ENPP3: variants seen among roughly 807,000 people sequenced by gnomAD.
The protein encoded by ENPP3 is ectonucleotide pyrophosphatase/phosphodiesterase 3.
In ENPP3, 104 loss-of-function variants were observed where a neutral mutation model predicts 117.8. The observed-to-expected ratio is 0.88, with a 90% CI of 0.75 to 1.04. The LOEUF (loss-of-function observed/expected upper bound fraction) is 1.04. ENPP3 is among the 50% of genes least tolerant of loss of function. ENPP3 has a pLI of 0.00. For missense variants in ENPP3, 1,026 were observed against 1,051.9 expected (o/e 0.98, Z 0.34); for synonymous variants, 380 against 349.9 (o/e 1.09, Z -0.96).
intron 24 of ENPP3, among the ~76,000 whole-genome samples, chr6:131,745,825 T>C (rs550540547): frequency 6.6e-6 from 1 of 152,198 alleles, no homozygotes; most frequent in African/African-American, 2.4e-5. Flanking sequence ...AAAGTTAAAA[T>C]TGAATGTACT....
intron 6 of ENPP3, among the ~76,000 whole-genome samples, chr6:131,670,571 G>A (rs1030422323): frequency 6.6e-6 from 1 of 152,030 alleles, no homozygotes; most frequent in Non-Finnish European, 1.5e-5. Flanking sequence ...GCTCACTGCC[G>A]TCTCCATCTC....
chr6:131,747,127 T>C lies in ENPP3; in HGVS notation c.*171T>C. The C allele has an allele frequency of 2.3e-6, 1 of 443,470 alleles. No individual in the cohort carries two copies. The highest frequency in any genetic ancestry group is 3.9e-6 in the Non-Finnish European group (1 of 256,418). The allele number at this position is 443,470 out of a possible 1,614,324, so 27.5% of individuals were successfully genotyped here. A position where few individuals can be genotyped will look rare whatever the true frequency, so the allele number is the denominator to read the frequency against. The stretch of plus-strand genomic sequence containing the variant: ...CTCTTTTTTCAATTCTATGAATATG[T>C]ATTATTTTAAAGTTATATTTTTCAC... On this transcript the variant is annotated 3_prime_UTR_variant, in exon 25 of 25. Transcript: ENST00000357639.
chr6:131,679,070 T>TTTCTTTCTTTCC (rs1778961738), intron 11 of ENPP3, among the ~76,000 whole-genome samples: 1 of 134,978 alleles, frequency 7.4e-6, no homozygotes, highest in South Asian at 2.4e-4. Flanking sequence ...TCTTTCTTTC[T>TTTCTTTCTTTCC]TTCTTTCTTT....
At chr6:131,719,135 G>A (rs1223110279) in intron 16 of ENPP3, among the ~76,000 whole-genome samples, 5 of 152,052 alleles carry the variant, frequency 3.3e-5, no homozygotes, top group African/African-American at 1.2e-4. Context: ...GGTACCCTGG[G>A]GGGCAGTAAG....
In ENPP3 at chr6:131,679,039, T is replaced by C. The variant is rs1235116495; in HGVS notation, c.1011+1099T>C. 2.3e-3 allele frequency among the ~76,000 whole-genome samples: 260 copies of C among 115,086 alleles called. 5 individuals carry two copies. The highest frequency in any genetic ancestry group is 8.4e-3 in the African/African-American group (200 of 23,806). The allele number at this position is 115,086 out of a possible 152,430, so 75.5% of individuals were successfully genotyped here. A position where few individuals can be genotyped will look rare whatever the true frequency, so the allele number is the denominator to read the frequency against. ...CTTCCTTCCTTCCTTCTTTCTTTCT[T>C]TCTTTCTTTCTTTCTTTCTTTCTTT... On this transcript the variant is annotated intron_variant, in intron 11 of 24. Transcript: ENST00000357639.
chr6:131,677,959 A>G lies in ENPP3; in HGVS notation c.1011+19A>G. ...TGCCAGAGTAAGTTGTTGTTTTCTT[A>G]AAAGAAAAAAAAAAATGTAAAATCA... On this transcript the variant is annotated intron_variant, in intron 11 of 24. Coordinates refer to ENST00000357639, the MANE Select transcript of ENPP3 (RefSeq NM_005021.5). 6.7e-7 allele frequency: 1 copy of G among 1,494,628 alleles called. No individual in the cohort carries two copies. The highest frequency in any genetic ancestry group is 9.3e-7 in the Non-Finnish European group (1 of 1,080,302). The allele number at this position is 1,494,628 out of a possible 1,614,324, so 92.6% of individuals were successfully genotyped here.
chr6:131,676,994 G>C (rs1004525108), intron 10 of ENPP3, among the ~76,000 whole-genome samples, 193 bp downstream of exon 10: 1 of 152,016 alleles, frequency 6.6e-6, no homozygotes, highest in African/African-American at 2.4e-5. Context: ...TCAGCACTTT[G>C]GGAGGTTGAG....
intron 5 of ENPP3, among the ~76,000 whole-genome samples, chr6:131,656,865 C>T (rs1778396105): frequency 6.6e-6 from 1 of 151,814 alleles, no homozygotes; most frequent in South Asian, 2.1e-4. Flanking sequence ...CAAGAATGTT[C>T]ATGTCAGCAG....
chr6:131,747,111 C>A lies in ENPP3; in HGVS notation c.*155C>A. ...TTTATTATTCCTTTTTCTCTTTTTT[C>A]AATTCTATGAATATGTATTATTTTA... is the stretch of plus-strand genomic sequence containing the variant. On this transcript the variant is annotated 3_prime_UTR_variant, in exon 25 of 25. Transcript: ENST00000357639. 2.1e-6 allele frequency: 1 copy of A among 467,460 alleles called. No individual in the cohort carries two copies. The highest frequency in any genetic ancestry group is 3.7e-6 in the Non-Finnish European group (1 of 269,768). 29.0% of individuals were successfully genotyped at this position (467,460 alleles called of 1,614,324 possible). A position where few individuals can be genotyped will look rare whatever the true frequency, so the allele number is the denominator to read the frequency against.
At chr6:131,709,856 T>C (rs1489110809) in intron 15 of ENPP3, 4 of 1,597,124 alleles carry the variant, frequency 2.5e-6, no homozygotes, top group Non-Finnish European at 3.4e-6. Flanking sequence ...TAGAATTCAG[T>C]CATTATTTTA....
Position 131,677,888 on chromosome 6 carries a change from A to G in ENPP3, c.959A>G (p.Tyr320Cys). ...CCTAGACCCAGGTTTTATACCATGT[A>G]TTTTGAAGAACCTGATTCCTCTGGA... is the stretch of plus-strand genomic sequence containing the variant. Reference protein sequence around the residue: ...KAERPRFYTMYFEEPDSSGHA... With the variant: ...KAERPRFYTMCFEEPDSSGHA... The change falls in exon 11 of 25, where the codon TAT becomes TGT. Residue 320 changes from tyrosine to cysteine, a missense_variant. Physicochemically the swap from Tyr to Cys is radical, Grantham distance 194. Coordinates refer to ENST00000357639, the MANE Select transcript of ENPP3 (RefSeq NM_005021.5). 1.2e-6 allele frequency: 2 copies of G among 1,610,182 alleles called. No individual in the cohort carries two copies. The highest frequency in any genetic ancestry group is 1.7e-6 in the Non-Finnish European group (2 of 1,176,594).
chr6:131,733,712 T>G lies in ENPP3; in HGVS notation c.2078T>G (p.Leu693Arg). The change falls in exon 21 of 25, where the codon CTC (leucine) becomes CGC (arginine). Residue 693 changes from leucine to arginine, a missense_variant. Transcript: ENST00000357639. ...GACAAGAATATCACCCACGGCTTCCTCTATCCTCCTGGTTAGTAGAACTCT... is the reference window on the plus strand; with the variant it reads ...GACAAGAATATCACCCACGGCTTCCGCTATCCTCCTGGTTAGTAGAACTCT... Reference protein sequence around the residue: ...LADKNITHGFLYPPASNRTSD... With the variant: ...LADKNITHGFRYPPASNRTSD... 6.2e-7 allele frequency: 1 copy of G among 1,614,076 alleles called. No homozygotes were observed. Among genetic ancestry groups the G allele is most frequent in the Non-Finnish European group, 8.5e-7 (1 of 1,179,962 alleles).
intron 6 of ENPP3, among the ~76,000 whole-genome samples, chr6:131,668,206 GTTTTTTTTTT>G (rs557047103): frequency 2.9e-5 from 2 of 69,948 alleles, no homozygotes; most frequent in African/African-American, 1.2e-4. Flanking sequence ...CTCGCTCTGC[GTTTTTTTTTT>G]TTTTTTTTTT....
intron 2 of ENPP3, among the ~76,000 whole-genome samples, chr6:131,644,352 G>A (rs1487859604): frequency 6.6e-6 from 1 of 152,156 alleles, no homozygotes; most frequent in African/African-American, 2.4e-5. Context: ...TAGAGTGAGA[G>A]CAGAAGTAGA....
intron 6 of ENPP3, among the ~76,000 whole-genome samples, chr6:131,665,504 A>G (rs1778598611): frequency 6.6e-6 from 1 of 152,066 alleles, no homozygotes; most frequent in South Asian, 2.1e-4. Context: ...ATCCATTTCT[A>G]GTAGGTTATT....
chr6:131,637,608 A>G (rs1777953425), intron 1 of ENPP3, 146 bp downstream of exon 1: 1 of 431,248 alleles, frequency 2.3e-6, no homozygotes, highest in Non-Finnish European at 4.2e-6. Flanking sequence ...GAAAACTCTA[A>G]TGCAAATTAA....
chr6:131,694,172 A>G (rs139887606), intron 15 of ENPP3, among the ~76,000 whole-genome samples: 6 of 152,282 alleles, frequency 3.9e-5, no homozygotes, highest in African/African-American at 1.2e-4. Context: ...TGTGCATGCT[A>G]TTTAGCAGTT....
At chr6:131,692,506 T>C (rs1779301393) in intron 14 of ENPP3, among the ~76,000 whole-genome samples, 1 of 151,376 alleles carries the variant, frequency 6.6e-6, no homozygotes, top group African/African-American at 2.4e-5. Flanking sequence ...AAGTACTTTT[T>C]TGTGCAATTA....
intron 1 of ENPP3, among the ~76,000 whole-genome samples, chr6:131,638,946 C>T (rs991559305): frequency 6.6e-6 from 1 of 151,730 alleles, no homozygotes; most frequent in African/African-American, 2.4e-5. Flanking sequence ...ATGTGTGTGC[C>T]CCAGTGCACT....
Sources: allele counts gnomAD v4.1 joint callset (sites outside exome capture counted in the v4.1 genomes callset), GRCh38; gene constraint gnomAD v4.1.1; transcripts MANE v1.5; gene names NCBI Gene and HGNC (gene_info 2026-07-23, HGNC 2026-07-21).